The following MYO18A variants were observed in gnomAD, a reference collection of about 807,000 sequenced individuals.
MYO18A encodes myosin XVIIIA, also known as unconventional myosin-XVIIIa.
A neutral mutation model predicts 235.8 loss-of-function variants in MYO18A; 78 were observed. The observed-to-expected ratio is 0.33, with a 90% confidence interval of 0.28 to 0.40. The LOEUF (loss-of-function observed/expected upper bound fraction) is 0.40. MYO18A is among the 10% of genes least tolerant of loss of function. MYO18A has a pLI of 1.00. For missense variants in MYO18A, 2,215 were observed against 2,699.3 expected, an observed-to-expected ratio of 0.82 and a Z score of 3.98; for synonymous variants, 977 against 1,077.8, an observed-to-expected ratio of 0.91 and a Z score of 1.83.
In MYO18A at chr17:29,071,765, G is replaced by C. The variant is rs1475846978; in HGVS notation, c.*3005C>G. On this transcript the variant is annotated 3_prime_UTR_variant, in exon 42 of 42. Coordinates refer to ENST00000527372, the MANE Select transcript of MYO18A (RefSeq NM_078471.4). ...CATGGGTCTGCTCCAGCCCTCGTCC[G>C]CAAAACCCTGGAGGATGGATACTAT... is the stretch of plus-strand genomic sequence containing the variant. 1.3e-5 allele frequency: 2 copies of C among 152,104 alleles called. No homozygotes were observed. The highest frequency in any genetic ancestry group is 4.8e-5 in the African/African-American group (2 of 41,408). 9.4% of individuals were successfully genotyped at this position (152,104 alleles called of 1,614,324 possible).
chr17:29,178,615 CAG>C (rs924116651), intron 1 of MYO18A, among the ~76,000 whole-genome samples: 3 of 152,096 alleles, frequency 2.0e-5, no homozygotes, highest in Non-Finnish European at 2.9e-5. Flanking sequence ...CACAAAAAAA[CAG>C]AGAGGAAGCT....
rs978525942 is a variant in MYO18A at position 29,071,234 on chromosome 17, G to A, written c.*3536C>T. On this transcript the variant is annotated 3_prime_UTR_variant, in exon 42 of 42. Transcript: ENST00000527372. ...CTTATTCAGGAGTCAGAGCAATCCC[G>A]GGGATCTGCAGTTATAGAGGAGGAT... 3.3e-5 allele frequency: 5 copies of A among 152,244 alleles called. No individual in the cohort carries two copies. Among genetic ancestry groups the A allele is most frequent in the African/African-American group, 1.2e-4 (5 of 41,452 alleles). 9.4% of individuals were successfully genotyped at this position (152,244 alleles called of 1,614,324 possible). A position where few individuals can be genotyped will look rare whatever the true frequency, so the allele number is the denominator to read the frequency against.
At chr17:29,130,511 CACACACACACACACACAA>C (rs1264545127) in intron 2 of MYO18A, among the ~76,000 whole-genome samples, 21 of 144,024 alleles carry the variant, frequency 1.5e-4, no homozygotes, top group Middle Eastern at 3.5e-3. Context: ...CACACACACA[CACACACACACACACACAA>C]CCCTTTCAAA....
chr17:29,080,833 C>A (rs2066102749), intron 41 of MYO18A: 1 of 985,146 alleles, frequency 1.0e-6, no homozygotes, highest in Admixed American at 6.1e-5. Context: ...ATGGGCCTTC[C>A]TAGGGGGCCT....
intron 2 of MYO18A, among the ~76,000 whole-genome samples, chr17:29,150,725 G>T (rs1407496888): frequency 1.3e-5 from 2 of 152,232 alleles, no homozygotes; most frequent in Non-Finnish European, 2.9e-5. Flanking sequence ...ATTTTGGGAG[G>T]TCTAGGCAGC....
In MYO18A at chr17:29,120,794, C is replaced by T; in HGVS notation, c.1586-36G>A. ...CAGGCCCAAGGGGATATCAGGAAAG[C>T]CAGGGGCAGCTTATCCCCCAGCTAG... On this transcript the variant is annotated intron_variant, in intron 6 of 41. Transcript: ENST00000527372. The surrounding 1 kb of genome is among the most constrained non-coding windows in gnomAD (Gnocchi z 4.2). 6.3e-7 allele frequency: 1 copy of T among 1,597,882 alleles called. No individual in the cohort carries two copies. Among genetic ancestry groups the T allele is most frequent in the African/African-American group, 1.3e-5 (1 of 74,652 alleles).
Position 29,107,067 on chromosome 17 carries a change from G to A in MYO18A, c.3441+13C>T. ...CTGGGCAGAGGGAGAGCGGTCTGGG[G>A]ACCTGGACCTACCCGCCTTTCATCC... On this transcript the variant is annotated intron_variant, in intron 20 of 41. Transcript: ENST00000527372. The A allele has an allele frequency of 1.9e-6, 3 of 1,612,562 alleles. No homozygotes were observed. The highest frequency in any genetic ancestry group is 2.5e-6 in the Non-Finnish European group (3 of 1,178,570).
intron 1 of MYO18A, among the ~76,000 whole-genome samples, chr17:29,168,532 C>A (rs2068331506): frequency 1.3e-5 from 2 of 152,156 alleles, no homozygotes; most frequent in African/African-American, 4.8e-5. Flanking sequence ...CAAGCTTATC[C>A]CTTCTAGTAA....
intron 11 of MYO18A, 70 bp from the exon 12 acceptor site, chr17:29,115,910 A>T (rs1598329621): frequency 6.7e-7 from 1 of 1,502,494 alleles, no homozygotes; most frequent in East Asian, 2.5e-5. Context: ...CCTGATGACC[A>T]GCTGATGACT....
rs73268324 is a variant in MYO18A at position 29,084,408 on chromosome 17, G to A, written c.5897+1196C>T. Among the ~76,000 whole-genome samples the A allele has an allele frequency of 3.1e-3, 477 of 152,188 alleles. 3 individuals are homozygous for A. Among genetic ancestry groups the A allele is most frequent in the African/African-American group, 0.011 (442 of 41,514 alleles). ...TTGCAAAGCTGGCCTGCCTGCCCTC[G>A]CCTTCCCTTTAGTTGCAAGCATCTA... On this transcript the variant is annotated intron_variant, in intron 40 of 41. Transcript: ENST00000527372.
At chr17:29,119,712 C>T (rs1429531636) in intron 7 of MYO18A, among the ~76,000 whole-genome samples, 1 of 151,936 alleles carries the variant, frequency 6.6e-6, no homozygotes, top group Non-Finnish European at 1.5e-5. Flanking sequence ...TACAGGCATG[C>T]ACCACCATAC....
intron 2 of MYO18A, chr17:29,127,831 G>A: frequency 1.0e-6 from 1 of 984,898 alleles, no homozygotes; most frequent in Non-Finnish European, 1.2e-6. Flanking sequence ...GGCAGGAGCG[G>A]TTAGTGACAC....
rs1277575890 is a variant in MYO18A at position 29,140,421 on chromosome 17, G to T, written c.1000-18168C>A. 1 of 1,277,682 alleles carries T rather than the reference G, an allele frequency of 7.8e-7. No homozygotes were observed. The highest frequency in any genetic ancestry group is 1.0e-6 in the Non-Finnish European group (1 of 983,028). 79.1% of individuals were successfully genotyped at this position (1,277,682 alleles called of 1,614,324 possible). A position where few individuals can be genotyped will look rare whatever the true frequency, so the allele number is the denominator to read the frequency against. On this transcript the variant is annotated intron_variant, in intron 2 of 41. Coordinates refer to ENST00000527372, the MANE Select transcript of MYO18A (RefSeq NM_078471.4). This position sits in a 1 kb window ranked among gnomAD's most constrained non-coding sequence, Gnocchi z 4.2. ...CTGGCTCCGTTAGCAGCTCAAAATA[G>T]CACAGGCTGTGGCCCCGCCCAGTTC...
At chr17:29,107,899 G>C (rs1005205927) in intron 19 of MYO18A, among the ~76,000 whole-genome samples, 4 of 142,066 alleles carry the variant, frequency 2.8e-5, no homozygotes, top group African/African-American at 8.2e-5. Context: ...CTGGGAGACA[G>C]AGCAAGACTG....
chr17:29,148,582 TTGTG>T (rs10535921), intron 2 of MYO18A, among the ~76,000 whole-genome samples: 23,835 of 148,650 alleles, frequency 0.16, 2,085 homozygotes, highest in African/African-American at 0.24. Context: ...CTTTATTCTT[TTGTG>T]TGTGTGTGTG....
intron 2 of MYO18A, among the ~76,000 whole-genome samples, chr17:29,154,121 T>TGTGTGTGTGTGCGCGCACGCGCGC (rs142430455): frequency 1.3e-5 from 2 of 149,108 alleles, no homozygotes; most frequent in African/African-American, 5.1e-5. Context: ...TGTGTGTGTG[T>TGTGTGTGTGTGCGCGCACGCGCGC]GCGCGCGCGT....
intron 41 of MYO18A, among the ~76,000 whole-genome samples, chr17:29,081,954 C>G (rs2066133988): frequency 6.6e-6 from 1 of 152,308 alleles, no homozygotes; most frequent in African/African-American, 2.4e-5. Context: ...AGATCCAGAG[C>G]TGGCCAGGGC....
chr17:29,114,825 G>A (rs1805137322), intron 14 of MYO18A, 82 bp downstream of exon 14: 6 of 1,399,920 alleles, frequency 4.3e-6, no homozygotes, highest in Non-Finnish European at 5.8e-6. Context: ...GTAAGGTGAT[G>A]CCTTCTGCAT....
chr17:29,097,426 G>A lies in MYO18A; in HGVS notation c.4103-76C>T, dbSNP rs974056784. On this transcript the variant is annotated intron_variant, in intron 26 of 41. Coordinates refer to ENST00000527372, the MANE Select transcript of MYO18A (RefSeq NM_078471.4). ...AAGGGGCAGAGGGGAAGGAGGATGG[G>A]GCAGGGGGAGCAGCAGGTGGAGTCA... is the stretch of plus-strand genomic sequence containing the variant. 7.7e-6 allele frequency: 12 copies of A among 1,565,098 alleles called. No individual in the cohort carries two copies. In the Admixed American group the frequency reaches 1.5e-4, roughly 20 times the overall value.
Sources: gnomAD v4.1 joint callset for allele counts (sites outside exome capture counted in the v4.1 genomes callset) on GRCh38, gnomAD v4.1.1 for gene constraint, Gnocchi (gnomAD v3.1) non-coding constraint, MANE v1.5 for transcripts, NCBI Gene and HGNC (gene_info 2026-07-23, HGNC 2026-07-21) for gene names.